The following TULP4 variants were observed in gnomAD, a reference collection of about 807,000 sequenced individuals.
TULP4 encodes TUB like protein 4.
Under a neutral mutation model 129.0 loss-of-function variants are expected in TULP4, and 16 were observed. That is an observed-to-expected ratio of 0.12 (90% confidence interval 0.08 to 0.19). TULP4 has a LOEUF of 0.19. TULP4 is among the 10% of genes least tolerant of loss of function. TULP4 has a pLI of 1.00. For synonymous variants in TULP4, 998 were observed against 854.0 expected (o/e 1.17, Z -2.94); for missense variants, 1,842 against 2,059.1 (o/e 0.89, Z 2.04).
chr6:158,255,937 G>A (rs1374807718), intron 1 of TULP4, among the ~76,000 whole-genome samples: 2 of 152,198 alleles, frequency 1.3e-5, no homozygotes, highest in African/African-American at 4.8e-5. Flanking sequence ...AGGCCTTGGT[G>A]GGAGAGATCC....
chr6:158,390,554 G>A (rs541645495), intron 1 of TULP4, among the ~76,000 whole-genome samples: 4 of 152,274 alleles, frequency 2.6e-5, no homozygotes, highest in Admixed American at 6.5e-5. Flanking sequence ...TTTATAGAGC[G>A]TGGTCCATAC....
In TULP4 at chr6:158,392,976, G is replaced by A. The variant is rs1208880437; in HGVS notation, c.253-20089G>A. Among the ~76,000 whole-genome samples, 4 of 52,612 alleles carry A rather than the reference G, an allele frequency of 7.6e-5. No homozygotes were observed. In the South Asian group the frequency reaches 3.9e-3, roughly 51 times the overall value. 34.5% of individuals were successfully genotyped at this position (52,612 alleles called of 152,430 possible). Reference sequence around the variant, plus strand: ...AGCCTGGGTGACAGAGTGAGACTCTGTCTGTATTTAAAAAAAAAAAAAAAA... The same window carrying A: ...AGCCTGGGTGACAGAGTGAGACTCTATCTGTATTTAAAAAAAAAAAAAAAA... On this transcript the variant is annotated intron_variant, in intron 1 of 13. Coordinates refer to ENST00000367097, the MANE Select transcript of TULP4 (RefSeq NM_020245.5).
chr6:158,506,314 C>G (rs1780600947), intron 13 of TULP4, among the ~76,000 whole-genome samples: 1 of 136,480 alleles, frequency 7.3e-6, no homozygotes, highest in Admixed American at 8.0e-5. Context: ...TCACTGCAAG[C>G]TCCACCTCCC....
chr6:158,461,664 A>G lies in TULP4; in HGVS notation c.961A>G (p.Ser321Gly). 2 of 1,614,126 alleles carry G rather than the reference A, an allele frequency of 1.2e-6. No individual in the cohort carries two copies. Among genetic ancestry groups the G allele is most frequent in the Non-Finnish European group, 1.7e-6 (2 of 1,180,040 alleles). ...GCTTCCCAATGGTCCCCTTCTGAAG[A>G]GTGCCATGGTCAAGTTCTACAATGT... is the stretch of plus-strand genomic sequence containing the variant. ...GELPNGPLLK[S>G]AMVKFYNVRG... The change falls in exon 6 of 14, where the codon AGT (serine) becomes GGT (glycine). Residue 321 changes from serine to glycine, a missense_variant. Physicochemically the swap from Ser to Gly is moderately conservative, Grantham distance 56 (BLOSUM62 0). Transcript: ENST00000367097.
At chr6:158,278,541 C>A (rs907574169), upstream of TULP4, among the ~76,000 whole-genome samples, 2 of 151,718 alleles carry the variant, frequency 1.3e-5, no homozygotes, top group East Asian at 3.8e-4. Flanking sequence ...TAGATCTTTC[C>A]TAGAAAAAAA....
At chr6:158,378,958 T>C (rs1344096166) in intron 1 of TULP4, among the ~76,000 whole-genome samples, 1 of 152,176 alleles carries the variant, frequency 6.6e-6, no homozygotes, top group Non-Finnish European at 1.5e-5. Context: ...GGTGGGTAGA[T>C]TCATGAGAAT....
chr6:158,484,066 C>T (rs1185338862), intron 8 of TULP4, among the ~76,000 whole-genome samples: 3 of 151,910 alleles, frequency 2.0e-5, no homozygotes, highest in Non-Finnish European at 4.4e-5. Flanking sequence ...CGCAGGTGTG[C>T]ACCACCACAC....
chr6:158,240,762 C>T, intron 1 of TULP4, among the ~76,000 whole-genome samples: 1 of 138,626 alleles, frequency 7.2e-6, no homozygotes. Context: ...CCCCCCACCT[C>T]CCTCCCGGTC....
At chr6:158,500,414 A>T (rs1780417991) in intron 12 of TULP4, among the ~76,000 whole-genome samples, 1 of 152,236 alleles carries the variant, frequency 6.6e-6, no homozygotes, top group Non-Finnish European at 1.5e-5. Flanking sequence ...TTAGCTTTTG[A>T]TAAACTAGCT....
chr6:158,373,830 G>A (rs1777125286), intron 1 of TULP4, among the ~76,000 whole-genome samples: 1 of 152,140 alleles, frequency 6.6e-6, no homozygotes, highest in South Asian at 2.1e-4. Flanking sequence ...GTGTTCTGGT[G>A]GTTGAAGACA....
chr6:158,497,474 G>A (rs898686739), intron 11 of TULP4, among the ~76,000 whole-genome samples: 6 of 152,012 alleles, frequency 3.9e-5, no homozygotes, highest in Admixed American at 6.6e-5. Context: ...GCATTCAGAG[G>A]GGTCTATAGT....
At chr6:158,240,350 T>C (rs867775913) in intron 1 of TULP4, among the ~76,000 whole-genome samples, 2,218 of 19,398 alleles carry the variant, frequency 0.11, 3 homozygotes, top group Non-Finnish European at 0.14. Context: ...GGGGGCTGAC[T>C]CCCCCACCTC....
intron 1 of TULP4, among the ~76,000 whole-genome samples, chr6:158,249,709 CTCAT>C (rs1442026118): frequency 6.6e-6 from 1 of 152,240 alleles, no homozygotes; most frequent in Non-Finnish European, 1.5e-5. Flanking sequence ...AATTTTCTCT[CTCAT>C]TCAGTTTTAT....
At chr6:158,367,272 A>G (rs1356668442) in intron 1 of TULP4, among the ~76,000 whole-genome samples, 1 of 152,196 alleles carries the variant, frequency 6.6e-6, no homozygotes, top group Non-Finnish European at 1.5e-5. Context: ...TTGTTCAGCA[A>G]GCTATTTTAA....
intron 1 of TULP4, among the ~76,000 whole-genome samples, chr6:158,350,787 G>A (rs1311145706): frequency 2.0e-5 from 3 of 151,218 alleles, no homozygotes; most frequent in South Asian, 2.1e-4. Flanking sequence ...TTAAAGAAGA[G>A]TCTTGCTCTG....
At chr6:158,375,108 T>C (rs1777155821) in intron 1 of TULP4, among the ~76,000 whole-genome samples, 1 of 151,920 alleles carries the variant, frequency 6.6e-6, no homozygotes, top group Non-Finnish European at 1.5e-5. Flanking sequence ...CCAGACGTGG[T>C]GGTGGGTGCC....
chr6:158,343,264 C>G (rs1285101497), intron 1 of TULP4, among the ~76,000 whole-genome samples: 1 of 152,182 alleles, frequency 6.6e-6, no homozygotes, highest in Non-Finnish European at 1.5e-5. Context: ...CTGGTTGAAA[C>G]TGTGTCCAAA....
At chr6:158,469,600 T>TG (rs1371555358) in intron 6 of TULP4, among the ~76,000 whole-genome samples, 1 of 151,926 alleles carries the variant, frequency 6.6e-6, no homozygotes, top group Non-Finnish European at 1.5e-5. Flanking sequence ...TAGTTACTGT[T>TG]GCAGCCACAT....
At chr6:158,498,844 G>A (rs758238469) in intron 12 of TULP4, 32 bp downstream of exon 12, 27 of 1,610,726 alleles carry the variant, frequency 1.7e-5, no homozygotes, top group East Asian at 8.9e-5. Context: ...TGTTTGTCAC[G>A]GTCCCTCTGT....
Sources: allele counts gnomAD v4.1 joint callset (sites outside exome capture counted in the v4.1 genomes callset), GRCh38; gene constraint gnomAD v4.1.1; transcripts MANE v1.5; gene names NCBI Gene and HGNC (gene_info 2026-07-23, HGNC 2026-07-21).